The following TDRKH variants were observed in gnomAD, a reference collection of about 807,000 sequenced individuals.
TDRKH encodes tudor and KH domain-containing protein.
In TDRKH, 28 loss-of-function variants were observed where a neutral mutation model predicts 61.3. The observed-to-expected ratio is 0.46, with a 90% CI of 0.34 to 0.63. The LOEUF is 0.63. TDRKH is among the 20% of genes least tolerant of loss of function. The pLI, the probability that TDRKH is intolerant of heterozygous loss-of-function variation, is 0.01. For synonymous variants in TDRKH, 219 were observed against 244.4 expected (o/e 0.90, Z 0.97); for missense variants, 540 against 683.4 (o/e 0.79, Z 2.34).
chr1:151,770,518 G>T, downstream of TDRKH: 1 of 418,972 alleles, frequency 2.4e-6, no homozygotes, highest in Non-Finnish European at 4.3e-6. Context: ...TCCATTCAAG[G>T]GATGTGGCCA....
In TDRKH at chr1:151,781,433, A is replaced by G. The variant is rs114752957; in HGVS notation, c.231+48T>C. ...CAGTGGAAGGAAACAAGAAATCAAT[A>G]AACAGAATCAATCCTTGGGAAAGCA... On this transcript the variant is annotated intron_variant, in intron 3 of 12. Transcript: ENST00000368824. 1.2e-3 allele frequency: 1,890 copies of G among 1,539,156 alleles called. 21 individuals are homozygous for G. In the African/African-American group the frequency reaches 0.022, roughly 18 times the overall value.
rs750886396 is a variant in TDRKH, at chr1:151,778,774, A to C, written c.794T>G (p.Val265Gly). The C allele has an allele frequency of 1.2e-6, 2 of 1,614,208 alleles. No homozygotes were observed. Among genetic ancestry groups the C allele is most frequent in the East Asian group, 4.5e-5 (2 of 44,882 alleles). ...TTTCTCCCAGGAACCTTCCTTTGAC[A>C]CTACCACAGCCATGTCGCCTCCTCC... ...PKGGGDMAVV[V>G]SKEGSWEKPS... Residue 265 changes from valine to glycine, a missense_variant, in exon 6 of 13, where the codon GTG becomes GGG. By Grantham distance (109) the Val-to-Gly change is moderately radical (BLOSUM62 -3). Coordinates refer to ENST00000368824, the MANE Select transcript of TDRKH (RefSeq NM_001083965.2).
rs1649025526 is a variant in TDRKH at position 151,775,079 on chromosome 1, T to C, written c.1522A>G (p.Met508Val). ...DIEENRAVPDMLKDMATETDA... is the reference protein window; with the variant it reads ...DIEENRAVPDVLKDMATETDA... ...CAATAGCTCACCATGTCCTTCAACA[T>C]GTCTGGGACAGCTCTGTTTTCTTCT... The change falls in exon 11 of 13, where the codon ATG (methionine) becomes GTG (valine). Residue 508 changes from methionine to valine, a missense_variant. Around this residue, in one of 3 missense-constraint regions of TDRKH, gnomAD observed 379 missense variants for 443.8 expected, o/e 0.85. Coordinates refer to ENST00000368824, the MANE Select transcript of TDRKH (RefSeq NM_001083965.2). 6.2e-7 allele frequency: 1 copy of C among 1,614,034 alleles called. No individual in the cohort carries two copies. Among genetic ancestry groups the C allele is most frequent in the Admixed American group, 1.7e-5 (1 of 60,004 alleles).
chr1:151,786,112 GA>G (rs1650293034), intron 1 of TDRKH, among the ~76,000 whole-genome samples: 2 of 152,152 alleles, frequency 1.3e-5, no homozygotes, highest in Non-Finnish European at 2.9e-5. Context: ...ACCTACTGTG[GA>G]ATAAAACTTA....
At chr1:151,771,781 A>C (rs1648717907), downstream of TDRKH, 1 of 394,820 alleles carries the variant, frequency 2.5e-6, no homozygotes, top group Admixed American at 4.4e-5. Flanking sequence ...TAAACAGGTA[A>C]GACTTAAAGG....
chr1:151,770,023 T>G (rs1571972605), downstream of TDRKH: 1 of 1,343,214 alleles, frequency 7.4e-7, no homozygotes, highest in Non-Finnish European at 1.0e-6. Flanking sequence ...ATGGCAGCAG[T>G]ACAGTCCAGC....
rs1360233613 is a variant in TDRKH, at chr1:151,773,574, G to T, written c.*878C>A. 3.3e-5 allele frequency: 5 copies of T among 152,474 alleles called. No homozygotes were observed. The highest frequency in any genetic ancestry group is 1.2e-4 in the African/African-American group (5 of 41,384). The allele number at this position is 152,474 out of a possible 1,614,324, so 9.4% of individuals were successfully genotyped here. On this transcript the variant is annotated 3_prime_UTR_variant, in exon 13 of 13. Coordinates refer to ENST00000368824, the MANE Select transcript of TDRKH (RefSeq NM_001083965.2). ...GTATACTCTTCCTCTCTCTCCACGG[G>T]TGTATATGTGTGTATACATATAGAT...
In TDRKH at chr1:151,776,157, G is replaced by A. The variant is rs566138789; in HGVS notation, c.1156C>T (p.Leu386Phe). The A allele has an allele frequency of 6.2e-6, 10 of 1,613,972 alleles. No homozygotes were observed. Among genetic ancestry groups the A allele is most frequent in the South Asian group, 1.1e-5 (1 of 91,080 alleles). The part of the protein sequence containing the change: ...LGTLENGNLD[L>F]YFVDFGDNGD... ...TTATCTCCAAAGTCAACAAAATAGA[G>A]GTCCAAGTTCCCATTCTCCAAGGTG... Residue 386 changes from leucine (L) to phenylalanine (F), a missense_variant, in exon 8 of 13, where the codon CTC (leucine) becomes TTC (phenylalanine). Physicochemically the swap from Leu to Phe is conservative, Grantham distance 22. This residue lies in a region of TDRKH where 379 missense variants were observed against 443.8 expected (regional missense o/e 0.85). Transcript: ENST00000368824.
intron 3 of TDRKH, among the ~76,000 whole-genome samples, chr1:151,780,396 G>C (rs1483549037): frequency 6.6e-6 from 1 of 152,162 alleles, no homozygotes; most frequent in Non-Finnish European, 1.5e-5. Context: ...ATTTATCTTT[G>C]TGTTTAGAAT....
downstream of TDRKH, chr1:151,768,073 G>A (rs761821169): frequency 5.0e-6 from 8 of 1,613,820 alleles, no homozygotes; most frequent in Non-Finnish European, 6.8e-6. Flanking sequence ...GAACTTGACG[G>A]TGCTGGCTAC....
At chr1:151,767,545 CTG>C, downstream of TDRKH, 4 of 683,304 alleles carry the variant, frequency 5.9e-6, no homozygotes, top group Non-Finnish European at 8.7e-6. Context: ...AAAACAAACT[CTG>C]TAGGACTTCT....
intron 9 of TDRKH, 47 bp downstream of exon 9, chr1:151,775,773 G>A (rs1371652802): frequency 6.3e-7 from 1 of 1,591,470 alleles, no homozygotes; most frequent in African/African-American, 1.3e-5. Context: ...ACTGTATGAA[G>A]TTATTCTATT....
At chr1:151,769,942 CG>C (rs1211993298), downstream of TDRKH, among the ~76,000 whole-genome samples, 3 of 134,636 alleles carry the variant, frequency 2.2e-5, no homozygotes, top group Admixed American at 7.8e-5. Flanking sequence ...CATGGCGGCA[CG>C]CGCCTGCAAT....
chr1:151,776,507 C>G lies in TDRKH; in HGVS notation c.976G>C (p.Val326Leu). The G allele has an allele frequency of 6.2e-7, 1 of 1,614,136 alleles. No individual in the cohort carries two copies. Among genetic ancestry groups the G allele is most frequent in the East Asian group, 2.2e-5 (1 of 44,884 alleles). ...EHPNHFWIQI[V>L]GSRSLQLDKL... ...TCCAATTGCAGGCTGCGGGAGCCAA[C>G]GATCTGGATCCAGAAGTGGTTAGGG... Residue 326 changes from valine (V) to leucine (L), a missense_variant, in exon 7 of 13, where the codon GTT becomes CTT. Val to Leu is a conservative substitution (Grantham distance 32). Coordinates refer to ENST00000368824, the MANE Select transcript of TDRKH (RefSeq NM_001083965.2).
chr1:151,789,636 C>G (rs988219122), intron 1 of TDRKH, among the ~76,000 whole-genome samples: 1 of 152,216 alleles, frequency 6.6e-6, no homozygotes, highest in Non-Finnish European at 1.5e-5. Context: ...CTAAGGCTTA[C>G]TTTATCATTT....
At chr1:151,769,941 A>G (rs1648587367), downstream of TDRKH, among the ~76,000 whole-genome samples, 1 of 134,644 alleles carries the variant, frequency 7.4e-6, no homozygotes. Flanking sequence ...GCATGGCGGC[A>G]CGCGCCTGCA....
intron 9 of TDRKH, 134 bp downstream of exon 9, chr1:151,775,686 G>T: frequency 6.8e-7 from 1 of 1,480,070 alleles, no homozygotes; most frequent in South Asian, 1.3e-5. Flanking sequence ...TCTGGCTGCT[G>T]CTAGTGCTGG....
downstream of TDRKH, among the ~76,000 whole-genome samples, chr1:151,772,857 C>T (rs1226040692): frequency 3.9e-5 from 6 of 152,166 alleles, no homozygotes; most frequent in Non-Finnish European, 2.9e-5. Context: ...CTTACTCACA[C>T]AGCCTAAACC....
In TDRKH at chr1:151,776,423, C is replaced by T. The variant is rs759231418; in HGVS notation, c.1044+16G>A. Reference sequence around the variant, plus strand: ...TCTTTTCATTAAACCCCAGCCCTGTCCCTATGGCAACTCACCACACTATTC... The same window carrying T: ...TCTTTTCATTAAACCCCAGCCCTGTTCCTATGGCAACTCACCACACTATTC... On this transcript the variant is annotated intron_variant, in intron 7 of 12. Transcript: ENST00000368824. 1.5e-5 allele frequency: 25 copies of T among 1,613,738 alleles called. No individual in the cohort carries two copies. The highest frequency in any genetic ancestry group is 1.9e-5 in the Non-Finnish European group (23 of 1,179,796).
Sources: allele counts gnomAD v4.1 joint callset (sites outside exome capture counted in the v4.1 genomes callset), GRCh38; gene constraint gnomAD v4.1.1; regional missense constraint gnomAD v4.1.1; transcripts MANE v1.5; gene names NCBI Gene and HGNC (gene_info 2026-07-23, HGNC 2026-07-21).